Variants in ABCB7 observed in about 807,000 individuals in gnomAD.
ABCB7 encodes iron-sulfur clusters transporter ABCB7, mitochondrial.
A neutral mutation model predicts 54.4 loss-of-function variants in ABCB7; 7 were observed. The observed-to-expected ratio is 0.13, with a 90% confidence interval of 0.07 to 0.24. ABCB7 has a LOEUF of 0.24. ABCB7 is among the 10% of genes least tolerant of loss of function. The probability of loss-of-function intolerance (pLI) is 1.00; values close to 1 mark genes in which losing one functional copy is unlikely to be tolerated. For synonymous variants in ABCB7, 218 were observed against 207.1 expected, an observed-to-expected ratio of 1.05 and a Z score of -0.45; for missense variants, 356 against 570.4, an observed-to-expected ratio of 0.62 and a Z score of 3.83.
chrX:75,136,909 G>C (rs145768228), intron 1 of ABCB7, among the ~76,000 whole-genome samples: 2 of 111,984 alleles, frequency 1.8e-5, no homozygotes, highest in Non-Finnish European at 3.8e-5. Flanking sequence ...AGACTTAAAC[G>C]TAAAACCCAA....
At chrX:75,055,253 C>T in intron 15 of ABCB7, among the ~76,000 whole-genome samples, 2 of 109,180 alleles carry the variant, frequency 1.8e-5, no homozygotes, top group Admixed American at 9.9e-5. Flanking sequence ...CTTTCTCCAC[C>T]TCACCTTCTC....
intron 4 of ABCB7, chrX:75,097,612 T>A (rs2081602557): frequency 9.0e-6 from 1 of 110,746 alleles, no homozygotes; most frequent in South Asian, 3.8e-4. Flanking sequence ...AATAAGCAAA[T>A]AAAGGAGAGT....
In ABCB7 at chrX:75,063,757, C is replaced by T. The variant is rs1413316341; in HGVS notation, c.1831+1313G>A. Reference sequence around the variant, plus strand: ...GAAGAAATGTCTGTTTATTCTCTAACATAATTATTAGCATAGATGATAAAT... The same window carrying T: ...GAAGAAATGTCTGTTTATTCTCTAATATAATTATTAGCATAGATGATAAAT... On this transcript the variant is annotated intron_variant, in intron 13 of 15. Coordinates refer to ENST00000373394, the MANE Select transcript of ABCB7 (RefSeq NM_001271696.3). Among the ~76,000 whole-genome samples the T allele has an allele frequency of 7.1e-5, 8 of 111,942 alleles. No individual in the cohort carries two copies. In the East Asian group the frequency reaches 2.2e-3, roughly 31 times the overall value.
chrX:75,103,813 G>A (rs1309064840), intron 3 of ABCB7, among the ~76,000 whole-genome samples: 3 of 109,591 alleles, frequency 2.7e-5, no homozygotes, highest in Non-Finnish European at 5.7e-5. Context: ...TTTGTATGTT[G>A]ATTTTGTGTC....
chrX:75,069,584 C>T, intron 10 of ABCB7, 130 bp from the exon 11 acceptor site: 1 of 643,811 alleles, frequency 1.6e-6, no homozygotes, highest in East Asian at 3.5e-5. Context: ...GGACTTAGAC[C>T]ACTTCCAAGC....
intron 13 of ABCB7, chrX:75,062,729 T>A (rs2081290284): frequency 4.0e-6 from 1 of 250,686 alleles, no homozygotes; most frequent in African/African-American, 2.7e-5. Flanking sequence ...AGAAGCATGC[T>A]CATTATATGT....
chrX:75,149,665 G>T (rs1057099227), intron 1 of ABCB7, among the ~76,000 whole-genome samples: 1 of 111,570 alleles, frequency 9.0e-6, no homozygotes, highest in Admixed American at 9.6e-5. Context: ...GAATATATTA[G>T]CATTTTAGGC....
chrX:75,077,086 A>G (rs2081416711), intron 4 of ABCB7, among the ~76,000 whole-genome samples: 1 of 112,134 alleles, frequency 8.9e-6, no homozygotes, highest in Admixed American at 9.5e-5. Flanking sequence ...CATGCTGAAT[A>G]TAATGCTCTT....
intron 3 of ABCB7, among the ~76,000 whole-genome samples, chrX:75,103,220 A>AT (rs1329135018): frequency 9.0e-6 from 1 of 110,893 alleles, no homozygotes; most frequent in Non-Finnish European, 1.9e-5. Flanking sequence ...TATTTTCCCT[A>AT]TTTTTTCTTC....
At chrX:75,153,624 C>G (rs2082149384) in intron 1 of ABCB7, among the ~76,000 whole-genome samples, 1 of 108,182 alleles carries the variant, frequency 9.2e-6, no homozygotes, top group Non-Finnish European at 1.9e-5. Flanking sequence ...GAAAACAAAA[C>G]AGTACCTATC....
In ABCB7 at chrX:75,104,047, G is replaced by GTTTTTTTTTTTTTTTTTTTTTT. The variant is rs757074347; in HGVS notation, c.334-5008_334-4987dup. 1.2e-3 allele frequency among the ~76,000 whole-genome samples: 16 copies of GTTTTTTTTTTTTTTTTTTTTTT among 13,446 alleles called. 3 individuals carry two copies. Among genetic ancestry groups the GTTTTTTTTTTTTTTTTTTTTTT allele is most frequent in the East Asian group, 0.014 (2 of 139 alleles). The allele number at this position is 13,446 out of a possible 115,157, so 11.7% of individuals were successfully genotyped here. On this transcript the variant is annotated intron_variant, in intron 3 of 15. Coordinates refer to ENST00000373394, the MANE Select transcript of ABCB7 (RefSeq NM_001271696.3). Reference sequence around the variant, plus strand: ...AAATGGGCATCCCTGTCTTGTTACAGTTTTTTTTTTTTTTTTTTTTTTTTT... The same window carrying GTTTTTTTTTTTTTTTTTTTTTT: ...AAATGGGCATCCCTGTCTTGTTACAGTTTTTTTTTTTTTTTTTTTTTTTTTTTTTTTTTTTTTTTTTTTTTTT...
At chrX:75,134,694 A>G (rs1345895622) in intron 1 of ABCB7, among the ~76,000 whole-genome samples, 2 of 112,239 alleles carry the variant, frequency 1.8e-5, no homozygotes, top group Non-Finnish European at 3.8e-5. Flanking sequence ...ATAAAAGTAC[A>G]TGGAAATTAA....
At chrX:75,127,757 GCAAT>G (rs772321342) in intron 1 of ABCB7, among the ~76,000 whole-genome samples, 1 of 111,775 alleles carries the variant, frequency 8.9e-6, no homozygotes, top group Non-Finnish European at 1.9e-5. Context: ...CCATTCCTGT[GCAAT>G]CATTCAATGT....
chrX:75,069,354 C>T lies in ABCB7; in HGVS notation c.1466G>A (p.Ser489Asn). Residue 489 changes from serine (S) to asparagine (N), a missense_variant, in exon 11 of 16, where the codon AGT (serine) becomes AAT (asparagine). Physicochemically the swap from Ser to Asn is conservative, Grantham distance 46 (BLOSUM62 1). Transcript: ENST00000373394. The part of the protein sequence containing the change: ...FEYIEGQKVL[S>N]GISFEVPAGK... The stretch of plus-strand genomic sequence containing the variant: ...TGCAGGGACTTCAAAGGATATTCCA[C>T]TAAGGACTTTCTGGCCCTCAATGTA... The T allele has an allele frequency of 8.3e-7, 1 of 1,211,418 alleles. No homozygotes were observed. The highest frequency in any genetic ancestry group is 1.8e-5 in the South Asian group (1 of 56,948).
intron 1 of ABCB7, among the ~76,000 whole-genome samples, chrX:75,115,493 G>C (rs899794232): frequency 2.0e-4 from 18 of 89,574 alleles, no homozygotes; most frequent in African/African-American, 7.9e-4. Flanking sequence ...TTCTTAAATG[G>C]CTTTTATGCT....
chrX:75,109,839 G>T (rs1569235305), intron 3 of ABCB7, among the ~76,000 whole-genome samples: 2 of 111,560 alleles, frequency 1.8e-5, no homozygotes, highest in South Asian at 7.5e-4. Flanking sequence ...CCCAACAACT[G>T]CAATAAAAGG....
chrX:75,055,998 T>G (rs2081237218), intron 15 of ABCB7, among the ~76,000 whole-genome samples: 1 of 111,108 alleles, frequency 9.0e-6, no homozygotes. Context: ...AAGTTAAACA[T>G]TTTGGGTAGA....
intron 1 of ABCB7, among the ~76,000 whole-genome samples, chrX:75,138,157 A>G (rs1002032724): frequency 1.8e-5 from 2 of 111,397 alleles, no homozygotes; most frequent in African/African-American, 3.3e-5. Context: ...CCACCAGTAT[A>G]ACTAAAATTT....
intron 3 of ABCB7, among the ~76,000 whole-genome samples, chrX:75,110,570 T>A (rs1416614883): frequency 8.9e-6 from 1 of 112,196 alleles, no homozygotes. Flanking sequence ...CTGTGTCCAA[T>A]CAATAAGAAT....
Sources: allele counts gnomAD v4.1 joint callset (sites outside exome capture counted in the v4.1 genomes callset), GRCh38; gene constraint gnomAD v4.1.1; transcripts MANE v1.5; gene names NCBI Gene and HGNC (gene_info 2026-07-23, HGNC 2026-07-21).